ZFPM1: variants seen among roughly 807,000 people sequenced by gnomAD.
The protein encoded by ZFPM1 is zinc finger protein, FOG family member 1.
A neutral mutation model predicts 46.3 loss-of-function variants in ZFPM1; 28 were observed. That is an observed-to-expected ratio of 0.60 (90% CI 0.45 to 0.83). The LOEUF is 0.83. Among genes scored for constraint, ZFPM1 ranks in the 40% least tolerant of loss-of-function variants. The pLI is 0.00. For missense variants in ZFPM1, 1,878 were observed against 1,432.4 expected, an observed-to-expected ratio of 1.31 and a Z score of -5.02; for synonymous variants, 957 against 675.9, an observed-to-expected ratio of 1.42 and a Z score of -6.45.
At chr16:88,492,096 C>G (rs1909613340) in intron 3 of ZFPM1, among the ~76,000 whole-genome samples, 1 of 152,082 alleles carries the variant, frequency 6.6e-6, no homozygotes, top group Non-Finnish European at 1.5e-5. Flanking sequence ...CTCTCTCTCC[C>G]CATCCCTCCT....
intron 1 of ZFPM1, among the ~76,000 whole-genome samples, chr16:88,465,230 A>G (rs12597417): frequency 0.34 from 52,263 of 152,198 alleles, 9,264 homozygotes; most frequent in East Asian, 0.49. Context: ...AGACACAGGC[A>G]GGGCGCAGCG....
rs1281652435 is a variant in ZFPM1 at position 88,461,194 on chromosome 16, G to GC, written c.40+7518dup. Among the ~76,000 whole-genome samples, 684 of 126,050 alleles carry GC rather than the reference G, an allele frequency of 5.4e-3. 28 individuals are homozygous for GC. The highest frequency in any genetic ancestry group is 9.3e-3 in the Non-Finnish European group (569 of 61,366). 82.7% of individuals were successfully genotyped at this position (126,050 alleles called of 152,430 possible). ...TGAGGACCGAGGGGCGGGGCGGGAGGCCTGGTGAGGACCCAGGGGCGGGAG... is the reference window on the plus strand; with the variant it reads ...TGAGGACCGAGGGGCGGGGCGGGAGGCCCTGGTGAGGACCCAGGGGCGGGAG... On this transcript the variant is annotated intron_variant, in intron 1 of 9. Coordinates refer to ENST00000319555, the MANE Select transcript of ZFPM1 (RefSeq NM_153813.3).
intron 3 of ZFPM1, among the ~76,000 whole-genome samples, chr16:88,498,547 G>A (rs557437873): frequency 6.6e-6 from 1 of 152,326 alleles, no homozygotes; most frequent in Admixed American, 6.5e-5. Flanking sequence ...CCTTGGTGAG[G>A]GAGACACCCC....
At position 88,520,564 on chromosome 16, in the gene ZFPM1, G is replaced by GGACA. The variant is rs1911766239; in HGVS notation, c.402+6046_402+6047insCAGA. ...TGGCTGAAAGGATGGATGGATGGAT[G>GGACA]GATGGATGGATGGATGGATGGATGG... On this transcript the variant is annotated intron_variant, in intron 4 of 9. Coordinates refer to ENST00000319555, the MANE Select transcript of ZFPM1 (RefSeq NM_153813.3). Among the ~76,000 whole-genome samples, 7 of 134,082 alleles carry GGACA rather than the reference G, an allele frequency of 5.2e-5. No individual in the cohort carries two copies. In the South Asian group the frequency reaches 1.7e-3, roughly 33 times the overall value. 88.0% of individuals were successfully genotyped at this position (134,082 alleles called of 152,430 possible).
intron 3 of ZFPM1, among the ~76,000 whole-genome samples, chr16:88,500,158 C>CCCG (rs1348890272): frequency 6.6e-6 from 1 of 152,152 alleles, no homozygotes; most frequent in Non-Finnish European, 1.5e-5. Flanking sequence ...CCACCCAGGC[C>CCCG]CCGCCGTTGC....
In ZFPM1 at chr16:88,473,911, C is replaced by A. The variant is rs528421168; in HGVS notation, c.41-12028C>A. Among the ~76,000 whole-genome samples, 13 of 152,330 alleles carry A rather than the reference C, an allele frequency of 8.5e-5. 1 individual carries two copies. Among genetic ancestry groups the A allele is most frequent in the African/African-American group, 3.1e-4 (13 of 41,582 alleles). On this transcript the variant is annotated intron_variant, in intron 1 of 9. Transcript: ENST00000319555. ...CCCATCCCTGGGCACCCCCTCGGCTCTTCCGCAAGGGGTTTAGTAATCGGT... is the reference window on the plus strand; with the variant it reads ...CCCATCCCTGGGCACCCCCTCGGCTATTCCGCAAGGGGTTTAGTAATCGGT...
At chr16:88,459,701 TC>T (rs1206638729) in intron 1 of ZFPM1, among the ~76,000 whole-genome samples, 1 of 51,974 alleles carries the variant, frequency 1.9e-5, no homozygotes, top group African/African-American at 8.1e-5. Context: ...CTCCTCCCCT[TC>T]CCCCTTCCCC....
chr16:88,463,938 G>A (rs539029763), intron 1 of ZFPM1, among the ~76,000 whole-genome samples: 6 of 152,322 alleles, frequency 3.9e-5, no homozygotes, highest in Admixed American at 6.5e-5. Flanking sequence ...TCAGAGCCAC[G>A]GCTAGACCTG....
In ZFPM1 at chr16:88,532,137, A is replaced by G. The variant is rs757435441; in HGVS notation, c.848A>G (p.Lys283Arg). 1 of 1,612,578 alleles carries G rather than the reference A, an allele frequency of 6.2e-7. No homozygotes were observed. Among genetic ancestry groups the G allele is most frequent in the Non-Finnish European group, 8.5e-7 (1 of 1,179,770 alleles). The change falls in exon 7 of 10, where the codon AAA (lysine) becomes AGA (arginine). Residue 283 changes from lysine (K) to arginine (R), a missense_variant. Coordinates refer to ENST00000319555, the MANE Select transcript of ZFPM1 (RefSeq NM_153813.3). ...GCAGCCGCCACAGACGAGAAGCCCA[A>G]AGAGACCTACCCCAACGAGCGCGTC... ...PAAAATDEKP[K>R]ETYPNERVCP...
At chr16:88,461,849 C>T (rs4077409) in intron 1 of ZFPM1, among the ~76,000 whole-genome samples, 4,529 of 152,314 alleles carry the variant, frequency 0.03, 224 homozygotes, top group African/African-American at 0.1. Flanking sequence ...ATCGTTGGCA[C>T]TGGCCAACCC....
chr16:88,468,161 A>G (rs1908237980), intron 1 of ZFPM1, among the ~76,000 whole-genome samples: 1 of 126,638 alleles, frequency 7.9e-6, no homozygotes, highest in Non-Finnish European at 1.6e-5. Context: ...CCCACCCGCG[A>G]GCCCACAGGC....
In ZFPM1 at chr16:88,533,857, C is replaced by T. The variant is rs1021892218; in HGVS notation, c.1899C>T (p.Asp633=). Residue 633 remains aspartate (D), a synonymous_variant, in exon 10 of 10, where the codon GAC becomes GAT. Coordinates refer to ENST00000319555, the MANE Select transcript of ZFPM1 (RefSeq NM_153813.3). ...RAPPGQPAEP[D]APRSSPGPGA... is the part of the protein sequence containing the mutation. Reference sequence around the variant, plus strand: ...CCCCCGGCCAGCCCGCCGAACCCGACGCGCCGCGCTCGTCCCCGGGCCCCG... The same window carrying T: ...CCCCCGGCCAGCCCGCCGAACCCGATGCGCCGCGCTCGTCCCCGGGCCCCG... The T allele has an allele frequency of 8.0e-5, 79 of 984,602 alleles. No homozygotes were observed. The highest frequency in any genetic ancestry group is 1.2e-4 in the African/African-American group (7 of 56,272). 61.0% of individuals were successfully genotyped at this position (984,602 alleles called of 1,614,324 possible).
chr16:88,462,419 C>A (rs556140585), intron 1 of ZFPM1, among the ~76,000 whole-genome samples: 1 of 152,242 alleles, frequency 6.6e-6, no homozygotes, highest in Non-Finnish European at 1.5e-5. Flanking sequence ...CCACCCATTT[C>A]GCACGTGAGA....
intron 2 of ZFPM1, among the ~76,000 whole-genome samples, 166 bp downstream of exon 2, chr16:88,486,209 G>A (rs1043773487): frequency 1.8e-4 from 27 of 152,352 alleles, no homozygotes; most frequent in African/African-American, 6.5e-4. Flanking sequence ...GAGGCCCTCG[G>A]TGGGGCTGGG....
Position 88,535,481 on chromosome 16 carries a change from T to C in ZFPM1, c.*502T>C, listed in dbSNP as rs2142504178. ...GACACGGAAGAGAGGGGCACTGACC[T>C]GGCTGGCCATCCCCCAACCCTGCAT... is the stretch of plus-strand genomic sequence containing the variant. On this transcript the variant is annotated 3_prime_UTR_variant, in exon 10 of 10. Transcript: ENST00000319555. The C allele has an allele frequency of 6.6e-6, 1 of 152,620 alleles. No homozygotes were observed. The highest frequency in any genetic ancestry group is 1.9e-4 in the East Asian group (1 of 5,186). The allele number at this position is 152,620 out of a possible 1,614,324, so 9.5% of individuals were successfully genotyped here.
intron 3 of ZFPM1, among the ~76,000 whole-genome samples, chr16:88,494,715 C>T (rs906732586): frequency 6.6e-6 from 1 of 152,070 alleles, no homozygotes; most frequent in Non-Finnish European, 1.5e-5. Flanking sequence ...GGCAGGAGTG[C>T]GGCCCGGTCA....
At chr16:88,512,636 G>A (rs1292483274) in intron 3 of ZFPM1, among the ~76,000 whole-genome samples, 5 of 152,180 alleles carry the variant, frequency 3.3e-5, no homozygotes, top group Non-Finnish European at 7.4e-5. Flanking sequence ...AGTCCGGATG[G>A]GATTCCACAT....
At chr16:88,473,557 C>T (rs1478911285) in intron 1 of ZFPM1, among the ~76,000 whole-genome samples, 1 of 152,150 alleles carries the variant, frequency 6.6e-6, no homozygotes, top group Non-Finnish European at 1.5e-5. Context: ...TGGCCGGGCC[C>T]ATCCTGGGGG....
chr16:88,493,799 C>T lies in ZFPM1; in HGVS notation c.268+4646C>T, dbSNP rs1909767595. On this transcript the variant is annotated intron_variant, in intron 3 of 9. Transcript: ENST00000319555. ...TACCTGATACCTGGTGGTCCCAGAG[C>T]CCTAAAAAGGATCAGGGAGGCACTC... Among the ~76,000 whole-genome samples, 3 of 152,142 alleles carry T rather than the reference C, an allele frequency of 2.0e-5. 1 individual carries two copies. The South Asian group carries it at 6.2e-4, about 31-fold the overall frequency.
Sources: allele counts gnomAD v4.1 joint callset (sites outside exome capture counted in the v4.1 genomes callset), GRCh38; gene constraint gnomAD v4.1.1; transcripts MANE v1.5; gene names NCBI Gene and HGNC (gene_info 2026-07-23, HGNC 2026-07-21).